SPON2: variants seen among roughly 807,000 people sequenced by gnomAD.
SPON2 encodes the protein spondin 2, also known as spondin-2.
A neutral mutation model predicts 29.9 loss-of-function variants in SPON2; 32 were observed. That is an observed-to-expected ratio of 1.07 (90% CI 0.81 to 1.44). The LOEUF (loss-of-function observed/expected upper bound fraction) is 1.44, where lower values mean the gene tolerates loss of function less well. Among genes scored for constraint, SPON2 ranks in the 40% most tolerant of loss-of-function variants. The probability of loss-of-function intolerance (pLI) is 0.00; values close to 1 mark genes in which losing one functional copy is unlikely to be tolerated. For synonymous variants in SPON2, 248 were observed against 209.1 expected (o/e 1.19, Z -1.61); for missense variants, 541 against 455.5 (o/e 1.19, Z -1.71).
At chr4:1,193,286 C>T (rs1727951720) in intron 1 of SPON2, among the ~76,000 whole-genome samples, 1 of 152,136 alleles carries the variant, frequency 6.6e-6, no homozygotes, top group Non-Finnish European at 1.5e-5. Flanking sequence ...CGTCCCCTGT[C>T]CCAGTCTCTG....
At chr4:1,170,217 A>C (rs1174724195) in intron 5 of SPON2, 185 bp downstream of exon 5, 1 of 653,870 alleles carries the variant, frequency 1.5e-6, no homozygotes, top group Admixed American at 2.8e-5. Flanking sequence ...ACTGCAAATA[A>C]TGTGCAAGAG....
chr4:1,201,067 C>A, intron 1 of SPON2: 1 of 452,414 alleles, frequency 2.2e-6, no homozygotes, highest in South Asian at 1.6e-5. Flanking sequence ...CCCACCCTGA[C>A]GAGGTTGGCC....
intron 1 of SPON2, among the ~76,000 whole-genome samples, chr4:1,205,305 G>A (rs1056568052): frequency 5.3e-5 from 8 of 152,224 alleles, no homozygotes; most frequent in African/African-American, 1.7e-4. Flanking sequence ...AGGAGGTGGC[G>A]CTGGCTGAGG....
chr4:1,172,892 TC>T (rs1560203120), upstream of SPON2: 6 of 1,186 alleles, frequency 5.1e-3, no homozygotes, highest in African/African-American at 0.018. Flanking sequence ...TCCCCTCCCC[TC>T]CCCTCCTCCC....
At chr4:1,194,929 C>CCGCAGCCGGCGGCTCCAACCT (rs1271056292) in intron 1 of SPON2, 4 of 144,102 alleles carry the variant, frequency 2.8e-5, no homozygotes, top group African/African-American at 5.2e-5. Flanking sequence ...GGCTCCAACC[C>CCGCAGCCGGCGGCTCCAACCT]CGCAGCCGGC....
chr4:1,171,095 C>T lies in SPON2; in HGVS notation c.540G>A (p.Ala180=). 1 of 1,550,466 alleles carries T rather than the reference C, an allele frequency of 6.4e-7. No homozygotes were observed. Residue 180 remains alanine (A), a synonymous_variant, in exon 4 of 6, where the codon GCG becomes GCA. Transcript: ENST00000290902. Reference sequence around the variant, plus strand: ...CGTCGTAGGGGTACAGGTCCAGCGCCGCCTGTTCCCGCCAACGGTCCCCGT... The same window carrying T: ...CGTCGTAGGGGTACAGGTCCAGCGCTGCCTGTTCCCGCCAACGGTCCCCGT... ...LCDGDRWREQ[A]ALDLYPYDAG... is the part of the protein sequence containing the mutation.
Position 1,171,325 on chromosome 4 carries a change from C to T in SPON2, c.382G>A (p.Ala128Thr), listed in dbSNP as rs1167818244. ...QSVHAVFSAP[A>T]VPSGTGQTSA... Reference sequence around the variant, plus strand: ...GTCTGCCCGGTGCCGCTGGGGACGGCGGGCGCCGAAAACACCGCGTGCACG... The same window carrying T: ...GTCTGCCCGGTGCCGCTGGGGACGGTGGGCGCCGAAAACACCGCGTGCACG... The change falls in exon 3 of 6, where the codon GCC (alanine) becomes ACC (threonine). Residue 128 changes from alanine (A) to threonine (T), a missense_variant. Transcript: ENST00000290902. The T allele has an allele frequency of 1.2e-6, 2 of 1,602,314 alleles. No individual in the cohort carries two copies. The highest frequency in any genetic ancestry group is 1.7e-6 in the Non-Finnish European group (2 of 1,177,766).
At position 1,201,892 on chromosome 4, in the gene SPON2, T is replaced by C. The variant is rs115065851; in HGVS notation, c.-234+5988A>G. The stretch of plus-strand genomic sequence containing the variant: ...GCCACCTCGCCCAGCCGGTGCTGCC[T>C]TCTTGAGCCGTGGCCTCCACAGTGC... On this transcript the variant is annotated intron_variant, in intron 1 of 3. Transcript: ENST00000509233. Among the ~76,000 whole-genome samples the C allele has an allele frequency of 8.4e-4, 128 of 152,318 alleles. 1 individual carries two copies. Among genetic ancestry groups the C allele is most frequent in the African/African-American group, 2.9e-3 (121 of 41,570 alleles).
At chr4:1,182,984 G>A (rs1227593175) in intron 1 of SPON2, among the ~76,000 whole-genome samples, 2 of 152,054 alleles carry the variant, frequency 1.3e-5, no homozygotes, top group East Asian at 3.8e-4. Flanking sequence ...TCAAAAGTGA[G>A]AGAGGGCTGG....
chr4:1,169,350 G>T (rs1577895997), intron 5 of SPON2, among the ~76,000 whole-genome samples: 1 of 152,256 alleles, frequency 6.6e-6, no homozygotes, highest in East Asian at 1.9e-4. Context: ...GGACAAATGA[G>T]TGAGGAGCCC....
chr4:1,180,779 C>A (rs1727688806), intron 1 of SPON2, among the ~76,000 whole-genome samples: 1 of 152,034 alleles, frequency 6.6e-6, no homozygotes, highest in South Asian at 2.1e-4. Context: ...AAGATTTGAG[C>A]AGGTAGTGTA....
At chr4:1,206,117 G>T (rs1391106589) in intron 1 of SPON2, among the ~76,000 whole-genome samples, 1 of 152,178 alleles carries the variant, frequency 6.6e-6, no homozygotes, top group African/African-American at 2.4e-5. Context: ...CTGGGCTGGG[G>T]GCTGTCAGGG....
In SPON2 at chr4:1,203,582, G is replaced by A. The variant is rs373509767; in HGVS notation, c.-234+4298C>T. On this transcript the variant is annotated intron_variant, in intron 1 of 3. Transcript: ENST00000509233. Reference sequence around the variant, plus strand: ...AACATTTGTGGATAAGCTTTTGTGTGGATAAGCTTTTGTTTCTGATTCTCG... The same window carrying A: ...AACATTTGTGGATAAGCTTTTGTGTAGATAAGCTTTTGTTTCTGATTCTCG... Among the ~76,000 whole-genome samples, 38 of 152,270 alleles carry A rather than the reference G, an allele frequency of 2.5e-4. 2 individuals are homozygous for A. Among genetic ancestry groups the A allele is most frequent in the African/African-American group, 8.4e-4 (35 of 41,546 alleles).
Position 1,188,454 on chromosome 4 carries a change from T to A in SPON2, c.-239+6536A>T, listed in dbSNP as rs150395256. Among the ~76,000 whole-genome samples, 322 of 152,258 alleles carry A rather than the reference T, an allele frequency of 2.1e-3. 2 individuals are homozygous for A. The highest frequency in any genetic ancestry group is 7.6e-3 in the African/African-American group (314 of 41,538). On this transcript the variant is annotated intron_variant, in intron 1 of 3. Coordinates refer to the SPON2 transcript ENST00000502483. ...AGGGCTGACTTTTAAGAACCATGATTCAACGCACATTCAAAGACACTCTGA... is the reference window on the plus strand; with the variant it reads ...AGGGCTGACTTTTAAGAACCATGATACAACGCACATTCAAAGACACTCTGA...
chr4:1,194,833 G>A (rs1407515854), intron 1 of SPON2, among the ~76,000 whole-genome samples: 4 of 151,314 alleles, frequency 2.6e-5, no homozygotes, highest in South Asian at 2.1e-4. Context: ...CACAGCCGGC[G>A]GTTCCAACCC....
rs1728229336 is a variant in SPON2, at chr4:1,202,263, A to T, written c.-234+5617T>A. 2.0e-5 allele frequency among the ~76,000 whole-genome samples: 3 copies of T among 152,286 alleles called. No individual in the cohort carries two copies. The highest frequency in any genetic ancestry group is 2.0e-4 in the Admixed American group (3 of 15,300). On this transcript the variant is annotated intron_variant, in intron 1 of 3. Coordinates refer to the SPON2 transcript ENST00000509233. This position sits in a 1 kb window ranked among gnomAD's most constrained non-coding sequence, Gnocchi z 5.4. ...GGCTGGAGGGTGGGTCTGCCCCACA[A>T]GCCCTTTTCATGGTGGCTTTAGTCA...
chr4:1,195,408 A>G (rs545410362), upstream of SPON2, among the ~76,000 whole-genome samples: 812 of 151,874 alleles, frequency 5.3e-3, 8 homozygotes, highest in Non-Finnish European at 7.2e-3. Flanking sequence ...CCTGCGCCTC[A>G]GGGGTCCCTC....
chr4:1,202,793 G>A lies in SPON2; in HGVS notation c.-234+5087C>T, dbSNP rs553607527. ...CAGCAACATGCTTTGAAATCTGGGT[G>A]CAGGCCACCATCGCCTGCAGTGTCA... On this transcript the variant is annotated intron_variant, in intron 1 of 3. Coordinates refer to the SPON2 transcript ENST00000509233. This position sits in a 1 kb window ranked among gnomAD's most constrained non-coding sequence, Gnocchi z 5.4. 2.6e-5 allele frequency among the ~76,000 whole-genome samples: 4 copies of A among 152,326 alleles called. No homozygotes were observed. Among genetic ancestry groups the A allele is most frequent in the Admixed American group, 1.3e-4 (2 of 15,308 alleles).
upstream of SPON2, chr4:1,208,206 G>C (rs2108687266): frequency 6.6e-6 from 1 of 152,478 alleles, no homozygotes; most frequent in South Asian, 2.1e-4. Context: ...GCTGAGAGCA[G>C]CTAGGGGTGG....
Sources: allele counts gnomAD v4.1 joint callset (sites outside exome capture counted in the v4.1 genomes callset), GRCh38; gene constraint gnomAD v4.1.1; non-coding constraint Gnocchi (gnomAD v3.1); transcripts MANE v1.5; gene names NCBI Gene and HGNC (gene_info 2026-07-23, HGNC 2026-07-21).